The following KMT2E variants were observed in gnomAD, a reference collection of about 807,000 sequenced individuals.
KMT2E encodes histone reader KMT2E.
A neutral mutation model predicts 184.6 loss-of-function variants in KMT2E; 30 were observed. The observed-to-expected ratio is 0.16, with a 90% CI of 0.12 to 0.22. KMT2E has a LOEUF of 0.22. Among genes scored for constraint, KMT2E ranks in the 10% least tolerant of loss-of-function variants. The pLI, the probability that KMT2E is intolerant of heterozygous loss-of-function variation, is 1.00. For synonymous variants in KMT2E, 815 were observed against 776.5 expected (o/e 1.05, Z -0.82); for missense variants, 2,023 against 2,237.4 (o/e 0.90, Z 1.93).
intron 15 of KMT2E, among the ~76,000 whole-genome samples, chr7:105,096,493 G>A (rs533322686): frequency 6.6e-6 from 1 of 152,226 alleles, no homozygotes; most frequent in African/African-American, 2.4e-5. Context: ...AACGGTGAAA[G>A]GGTATGACAA....
chr7:105,050,521 G>C (rs1470503221), intron 3 of KMT2E, among the ~76,000 whole-genome samples: 1 of 152,042 alleles, frequency 6.6e-6, no homozygotes, highest in African/African-American at 2.4e-5. Context: ...CTCCAGACTT[G>C]TATACCCAAG....
At position 105,081,704 on chromosome 7, in the gene KMT2E, A is replaced by T; in HGVS notation, c.1265A>T (p.Gln422Leu). ...TPNAEVRHEI[Q>L]DGTIHLYIYS... is the part of the protein sequence containing the mutation. ...AACTTTTAGGTGAGGCATGAAATTC[A>T]AGATGGAACCATACATCTTTATATT... Residue 422 changes from glutamine (Q) to leucine (L), a missense_variant, in exon 13 of 27, where the codon CAA becomes CTA. This residue lies in a region of KMT2E where 68 missense variants were observed against 133.1 expected (regional missense o/e 0.51). Coordinates refer to ENST00000311117, the MANE Select transcript of KMT2E (RefSeq NM_182931.3). 6.8e-7 allele frequency: 1 copy of T among 1,478,904 alleles called. No homozygotes were observed. Among genetic ancestry groups the T allele is most frequent in the Non-Finnish European group, 9.3e-7 (1 of 1,077,480 alleles). The allele number at this position is 1,478,904 out of a possible 1,614,324, so 91.6% of individuals were successfully genotyped here. A position where few individuals can be genotyped will look rare whatever the true frequency, so the allele number is the denominator to read the frequency against.
chr7:105,016,612 T>C (rs866125677), intron 1 of KMT2E, among the ~76,000 whole-genome samples: 3 of 152,366 alleles, frequency 2.0e-5, no homozygotes, highest in South Asian at 2.1e-4. Context: ...AGATTAGAAT[T>C]CACTTTCGTA....
chr7:105,095,892 T>TG (rs1212335326), intron 15 of KMT2E, among the ~76,000 whole-genome samples: 4 of 152,214 alleles, frequency 2.6e-5, no homozygotes, highest in African/African-American at 7.2e-5. Flanking sequence ...GATTAGATAC[T>TG]GGGGGGTATA....
At chr7:105,066,891 T>TA in intron 6 of KMT2E, 84 bp downstream of exon 6, 1 of 1,015,860 alleles carries the variant, frequency 9.8e-7, no homozygotes, top group Non-Finnish European at 1.5e-6. Flanking sequence ...GAATTCGAGT[T>TA]AAAAAATTAA....
At chr7:105,023,312 C>G (rs1445173710) in intron 1 of KMT2E, among the ~76,000 whole-genome samples, 1 of 137,662 alleles carries the variant, frequency 7.3e-6, no homozygotes, top group Non-Finnish European at 1.5e-5. Flanking sequence ...TGGGGCAGGA[C>G]AATCGCTTGA....
At chr7:105,047,140 G>T (rs1219029737) in intron 3 of KMT2E, among the ~76,000 whole-genome samples, 1 of 152,234 alleles carries the variant, frequency 6.6e-6, no homozygotes, top group African/African-American at 2.4e-5. Context: ...GTGAAATGTT[G>T]TCTACCAAGG....
intron 8 of KMT2E, among the ~76,000 whole-genome samples, chr7:105,075,544 T>C (rs1797491466): frequency 6.6e-6 from 1 of 152,172 alleles, no homozygotes; most frequent in South Asian, 2.1e-4. Context: ...TTCAACAAAA[T>C]TATATGTCTA....
At chr7:105,060,636 A>G (rs754038249) in intron 3 of KMT2E, among the ~76,000 whole-genome samples, 14 of 151,622 alleles carry the variant, frequency 9.2e-5, no homozygotes, top group Non-Finnish European at 1.9e-4. Flanking sequence ...AAGTCTTGCT[A>G]TCTTACCCAA....
In KMT2E at chr7:105,079,157, C is replaced by T. The variant is rs543703159; in HGVS notation, c.1248+194C>T. Among the ~76,000 whole-genome samples, 20 of 141,034 alleles carry T rather than the reference C, an allele frequency of 1.4e-4. No homozygotes were observed. In the East Asian group the frequency reaches 2.9e-3, roughly 21 times the overall value. The allele number at this position is 141,034 out of a possible 152,430, so 92.5% of individuals were successfully genotyped here. A position where few individuals can be genotyped will look rare whatever the true frequency, so the allele number is the denominator to read the frequency against. ...AAGTCTTTTTTTTTTTTTTTTGAGA[C>T]GGAGTTTCACTCTTGTTGCCCAGGC... On this transcript the variant is annotated intron_variant, in intron 12 of 26. Coordinates refer to ENST00000311117, the MANE Select transcript of KMT2E (RefSeq NM_182931.3).
At chr7:105,021,811 T>G (rs1296806770) in intron 1 of KMT2E, among the ~76,000 whole-genome samples, 1 of 152,182 alleles carries the variant, frequency 6.6e-6, no homozygotes. Flanking sequence ...TATATCACAC[T>G]GATGATTCAA....
At chr7:105,066,832 T>A in intron 6 of KMT2E, 25 bp downstream of exon 6, 1 of 1,472,926 alleles carries the variant, frequency 6.8e-7, no homozygotes, top group Non-Finnish European at 9.5e-7. Flanking sequence ...TCTGATAACA[T>A]TGCCAGTAAT....
At chr7:105,078,482 G>C (rs1397672811) in intron 11 of KMT2E, among the ~76,000 whole-genome samples, 1 of 151,890 alleles carries the variant, frequency 6.6e-6, no homozygotes, top group Non-Finnish European at 1.5e-5. Flanking sequence ...AAGAGTAACA[G>C]ATTATTGTCC....
chr7:105,029,720 A>C (rs1015094027), intron 1 of KMT2E, among the ~76,000 whole-genome samples: 1 of 152,230 alleles, frequency 6.6e-6, no homozygotes, highest in Non-Finnish European at 1.5e-5. Context: ...GTGGAAAAGA[A>C]AGTTTCACTT....
chr7:105,106,084 T>TA, intron 19 of KMT2E, 81 bp downstream of exon 19: 2 of 1,305,050 alleles, frequency 1.5e-6, no homozygotes, highest in Non-Finnish European at 2.1e-6. Context: ...TATTTCTAGT[T>TA]ACTGGTATGC....
chr7:105,061,250 C>T (rs994679079), intron 3 of KMT2E, among the ~76,000 whole-genome samples: 1 of 152,114 alleles, frequency 6.6e-6, no homozygotes, highest in Admixed American at 6.5e-5. Context: ...TATCCTTAAA[C>T]TAAATAATAG....
intron 3 of KMT2E, among the ~76,000 whole-genome samples, chr7:105,043,039 G>A (rs1193234571): frequency 6.6e-6 from 1 of 152,174 alleles, no homozygotes; most frequent in African/African-American, 2.4e-5. Flanking sequence ...CCCACTTGCA[G>A]TTTGAGAGTT....
At chr7:105,022,746 AC>A (rs1458132312) in intron 1 of KMT2E, among the ~76,000 whole-genome samples, 1 of 152,152 alleles carries the variant, frequency 6.6e-6, no homozygotes, top group East Asian at 1.9e-4. Flanking sequence ...AATTAAAAAA[AC>A]TAATTTTCTT....
At position 105,106,633 on chromosome 7, in the gene KMT2E, T is replaced by C. The variant is rs143904429; in HGVS notation, c.2708T>C (p.Ile903Thr). The C allele has an allele frequency of 9.9e-6, 16 of 1,614,112 alleles. No homozygotes were observed. The African/African-American group carries it at 1.9e-4, about 19-fold the overall frequency. Residue 903 changes from isoleucine (I) to threonine (T), a missense_variant, in exon 20 of 27, where the codon ATT becomes ACT. This residue lies in a region of KMT2E where 514 missense variants were observed against 621.8 expected (regional missense o/e 0.83). Coordinates refer to ENST00000311117, the MANE Select transcript of KMT2E (RefSeq NM_182931.3). ...TATGCTACACCAACTCACACCGATA[T>C]TACTCCTATGGACCCATCTTTTGCC... ...SPYATPTHTD[I>T]TPMDPSFATP...
Sources: allele counts gnomAD v4.1 joint callset (sites outside exome capture counted in the v4.1 genomes callset), GRCh38; gene constraint gnomAD v4.1.1; regional missense constraint gnomAD v4.1.1; transcripts MANE v1.5; gene names NCBI Gene and HGNC (gene_info 2026-07-23, HGNC 2026-07-21).